STXBP4: variants seen among roughly 807,000 people sequenced by gnomAD.
The protein encoded by STXBP4 is syntaxin binding protein 4.
STXBP4 carries 55 observed loss-of-function variants against 76.1 expected under a neutral mutation model. That is an observed-to-expected ratio of 0.72 (90% CI 0.58 to 0.91). The LOEUF is 0.91. STXBP4 is among the 40% of genes least tolerant of loss of function. The pLI is 0.00. For synonymous variants in STXBP4, 201 were observed against 220.2 expected (o/e 0.91, Z 0.77); for missense variants, 618 against 636.9 (o/e 0.97, Z 0.32).
chr17:55,002,336 A>G (rs939945164), intron 7 of STXBP4, among the ~76,000 whole-genome samples: 7 of 152,196 alleles, frequency 4.6e-5, no homozygotes, highest in Non-Finnish European at 1.0e-4. Flanking sequence ...AGGTTTTACT[A>G]TGTTATATGT....
chr17:55,208,477 G>A, the STXBP4 span, among the ~76,000 whole-genome samples: 4 of 151,720 alleles, frequency 2.6e-5, no homozygotes, highest in East Asian at 3.9e-4. Context: ...TAGGTACAAC[G>A]TGAAAAATCA....
At position 55,000,816 on chromosome 17, in the gene STXBP4, TG is replaced by T. The variant is rs764859651; in HGVS notation, c.509del (p.Gly170AspfsTer40). On this transcript the variant is annotated frameshift_variant, in exon 7 of 18. Coordinates refer to ENST00000376352, the MANE Select transcript of STXBP4 (RefSeq NM_178509.6). LOFTEE classifies it high-confidence loss of function. ...CTCATTTTCTTTCACAGATAAAAAC[TG>T]GATACAACAAAACAGTACAGATTCC... is the stretch of plus-strand genomic sequence containing the variant. ...DILSSCEIKT[G>X]YNKTVQIPIT... 6.2e-7 allele frequency: 1 copy of T among 1,609,294 alleles called. No individual in the cohort carries two copies. Among genetic ancestry groups the T allele is most frequent in the Non-Finnish European group, 8.5e-7 (1 of 1,176,070 alleles).
intron 3 of STXBP4, among the ~76,000 whole-genome samples, chr17:54,990,372 A>G (rs781768581): frequency 5.9e-5 from 9 of 152,152 alleles, no homozygotes; most frequent in Non-Finnish European, 1.2e-4. Context: ...GCGGCATTCA[A>G]TGCTCATAGG....
At chr17:55,130,528 G>A in intron 16 of STXBP4, among the ~76,000 whole-genome samples, 1 of 151,860 alleles carries the variant, frequency 6.6e-6, no homozygotes, top group Non-Finnish European at 1.5e-5. Flanking sequence ...CTTTGTGGTA[G>A]AACATTTAAA....
At chr17:55,111,944 C>G (rs1362644329) in intron 16 of STXBP4, among the ~76,000 whole-genome samples, 1 of 152,082 alleles carries the variant, frequency 6.6e-6, no homozygotes, top group East Asian at 1.9e-4. Context: ...TAGAGATGAT[C>G]TAACTCTGTC....
intron 16 of STXBP4, among the ~76,000 whole-genome samples, chr17:55,131,274 G>A (rs1393281012): frequency 6.6e-6 from 1 of 152,158 alleles, no homozygotes; most frequent in Admixed American, 6.5e-5. Context: ...TATTCATGGT[G>A]AATCACTTTT....
At chr17:54,986,376 T>C (rs1181214061) in intron 3 of STXBP4, 110 bp downstream of exon 3, 5 of 746,782 alleles carry the variant, frequency 6.7e-6, no homozygotes, top group Non-Finnish European at 1.1e-5. Flanking sequence ...TGGTCTAGGA[T>C]AGCAGCAATG....
At chr17:55,008,037 T>C (rs1037972697) in intron 8 of STXBP4, among the ~76,000 whole-genome samples, 4 of 152,040 alleles carry the variant, frequency 2.6e-5, no homozygotes, top group Non-Finnish European at 4.4e-5. Flanking sequence ...CCACTAAATA[T>C]AGAAAGATGG....
chr17:55,006,911 T>TG (rs1490805153), intron 7 of STXBP4, among the ~76,000 whole-genome samples: 2 of 152,210 alleles, frequency 1.3e-5, no homozygotes, highest in Non-Finnish European at 2.9e-5. Context: ...ATTGTGGTGA[T>TG]GTAGTAGTGG....
At chr17:55,039,626 A>C (rs1257350408) in intron 10 of STXBP4, among the ~76,000 whole-genome samples, 1 of 152,114 alleles carries the variant, frequency 6.6e-6, no homozygotes. Flanking sequence ...GGAAAATAGA[A>C]AGGAAAGAAG....
intron 11 of STXBP4, among the ~76,000 whole-genome samples, chr17:55,046,599 T>C (rs1292295836): frequency 1.3e-5 from 2 of 151,976 alleles, no homozygotes; most frequent in African/African-American, 4.8e-5. Context: ...TTAATAACTA[T>C]TATTTTATGT....
chr17:55,119,539 A>T (rs923705972), intron 16 of STXBP4, among the ~76,000 whole-genome samples: 3 of 152,126 alleles, frequency 2.0e-5, no homozygotes, highest in African/African-American at 7.2e-5. Flanking sequence ...TCTGAACAAT[A>T]CAAGAACCCT....
At chr17:55,023,481 G>C (rs2078350796) in intron 8 of STXBP4, among the ~76,000 whole-genome samples, 2 of 152,128 alleles carry the variant, frequency 1.3e-5, no homozygotes, top group African/African-American at 4.8e-5. Context: ...ATAAAACAAA[G>C]TTCATTATAC....
At chr17:54,977,466 G>A (rs2077489347) in intron 1 of STXBP4, among the ~76,000 whole-genome samples, 1 of 152,144 alleles carries the variant, frequency 6.6e-6, no homozygotes, top group Admixed American at 6.5e-5. Context: ...TAAAATATAG[G>A]AGAGGATATG....
intron 16 of STXBP4, among the ~76,000 whole-genome samples, chr17:55,130,791 G>A (rs991890460): frequency 2.6e-5 from 4 of 152,082 alleles, no homozygotes; most frequent in African/African-American, 4.8e-5. Flanking sequence ...TTCTGTGCCT[G>A]GCTTATTCCA....
At chr17:54,986,571 AT>A (rs935117738) in intron 3 of STXBP4, among the ~76,000 whole-genome samples, 4 of 152,170 alleles carry the variant, frequency 2.6e-5, no homozygotes, top group African/African-American at 7.2e-5. Flanking sequence ...GTATGCTATG[AT>A]TGTACCTGTT....
At chr17:55,022,949 AAT>A (rs1214167253) in intron 8 of STXBP4, among the ~76,000 whole-genome samples, 1 of 152,188 alleles carries the variant, frequency 6.6e-6, no homozygotes, top group Non-Finnish European at 1.5e-5. Flanking sequence ...GAAAGTGACC[AAT>A]GTGTGTGTAT....
intron 1 of STXBP4, among the ~76,000 whole-genome samples, chr17:54,984,118 G>A (rs2077589748): frequency 6.6e-6 from 1 of 152,096 alleles, no homozygotes; most frequent in Non-Finnish European, 1.5e-5. Flanking sequence ...ACCCAGACCA[G>A]TGAATACATT....
At chr17:55,056,838 C>T (rs544318613) in intron 12 of STXBP4, among the ~76,000 whole-genome samples, 1 of 152,184 alleles carries the variant, frequency 6.6e-6, no homozygotes, top group East Asian at 1.9e-4. Context: ...GAACCCCCGA[C>T]TCTACAAAAA....
Sources: allele counts gnomAD v4.1 joint callset (sites outside exome capture counted in the v4.1 genomes callset), GRCh38; gene constraint gnomAD v4.1.1; transcripts MANE v1.5; gene names NCBI Gene and HGNC (gene_info 2026-07-23, HGNC 2026-07-21).